WDR88: variants seen among roughly 807,000 people sequenced by gnomAD.
WDR88 encodes the protein WD repeat domain 88.
WDR88 carries 40 observed loss-of-function variants against 46.8 expected under a neutral mutation model. The observed-to-expected ratio is 0.86, with a 90% CI of 0.66 to 1.11. WDR88 has a LOEUF of 1.11. Among genes scored for constraint, WDR88 ranks in the 50% most tolerant of loss-of-function variants. The pLI is 0.00. For missense variants in WDR88, 562 were observed against 602.4 expected (o/e 0.93, Z 0.70); for synonymous variants, 235 against 240.7 (o/e 0.98, Z 0.22).
intron 10 of WDR88, among the ~76,000 whole-genome samples, chr19:33,173,615 G>C (rs1457892453): frequency 6.6e-6 from 1 of 152,266 alleles, no homozygotes; most frequent in Non-Finnish European, 1.5e-5. Flanking sequence ...GGCTAATTTG[G>C]GAGCCGCACT....
At chr19:33,154,781 T>C (rs1422583829) in intron 6 of WDR88, among the ~76,000 whole-genome samples, 1 of 152,224 alleles carries the variant, frequency 6.6e-6, no homozygotes, top group Non-Finnish European at 1.5e-5. Context: ...ACCTCCATGA[T>C]ATGCCAGCAT....
At chr19:33,174,667 A>C in intron 10 of WDR88, 2 of 985,380 alleles carry the variant, frequency 2.0e-6, no homozygotes, top group Non-Finnish European at 2.4e-6. Context: ...GGTTCTGTAA[A>C]AGTTGGGTGT....
At chr19:33,136,905 A>G (rs1038822378) in intron 1 of WDR88, among the ~76,000 whole-genome samples, 12 of 150,732 alleles carry the variant, frequency 8.0e-5, no homozygotes, top group Non-Finnish European at 8.9e-5. Context: ...AGATATATCT[A>G]TTCAAATCCT....
In WDR88 at chr19:33,175,089, G is replaced by T. The variant is rs1199881790; in HGVS notation, c.1243-307G>T. ...ATCTCTACTAAAAATACAAAAATTAGCAGGATGTGGTGGTGCACGCCTGTA... is the reference window on the plus strand; with the variant it reads ...ATCTCTACTAAAAATACAAAAATTATCAGGATGTGGTGGTGCACGCCTGTA... On this transcript the variant is annotated intron_variant, in intron 10 of 10. Transcript: ENST00000355868. 5.9e-6 allele frequency: 5 copies of T among 849,426 alleles called. No individual in the cohort carries two copies. The African/African-American group carries it at 9.2e-5, about 16-fold the overall frequency. The allele number at this position is 849,426 out of a possible 1,614,324, so 52.6% of individuals were successfully genotyped here.
At chr19:33,164,127 C>G in intron 8 of WDR88, 70 bp from the exon 9 acceptor site, 2 of 1,484,538 alleles carry the variant, frequency 1.3e-6, no homozygotes, top group Non-Finnish European at 1.9e-6. Flanking sequence ...GCCACTACAC[C>G]CAGCTTGTTT....
At chr19:33,169,804 T>A (rs1974008126) in intron 9 of WDR88, among the ~76,000 whole-genome samples, 1 of 152,190 alleles carries the variant, frequency 6.6e-6, no homozygotes, top group Admixed American at 6.5e-5. Flanking sequence ...CAGGTATTTG[T>A]CAATGAAGTC....
At position 33,172,441 on chromosome 19, in the gene WDR88, G is replaced by A. The variant is rs1974053743; in HGVS notation, c.1242+1G>A. ...GGCCGTGGGCTTAAAGTTGAAACAG[G>A]TTGGTATTGGGTAAAATTAAGCCCA... On this transcript the variant is annotated splice_donor_variant, in intron 10 of 10. Coordinates refer to ENST00000355868, the MANE Select transcript of WDR88 (RefSeq NM_173479.4). LOFTEE classifies it high-confidence loss of function. 6.2e-7 allele frequency: 1 copy of A among 1,612,488 alleles called. No homozygotes were observed. The highest frequency in any genetic ancestry group is 8.5e-7 in the Non-Finnish European group (1 of 1,179,178).
At chr19:33,172,551 C>A in intron 10 of WDR88, 111 bp downstream of exon 10, 2 of 878,862 alleles carry the variant, frequency 2.3e-6, no homozygotes, top group South Asian at 1.8e-5. Context: ...CGTGAACAAA[C>A]AGACTGACAT....
At chr19:33,152,487 T>TA (rs1973655146) in intron 6 of WDR88, among the ~76,000 whole-genome samples, 1 of 152,180 alleles carries the variant, frequency 6.6e-6, no homozygotes, top group African/African-American at 2.4e-5. Context: ...ATTCTAGATA[T>TA]TTCATATAAG....
At chr19:33,147,503 T>G in intron 3 of WDR88, 142 bp from the exon 4 acceptor site, 1 of 662,826 alleles carries the variant, frequency 1.5e-6, no homozygotes, top group Admixed American at 2.9e-5. Flanking sequence ...CTCAGGAGGC[T>G]GTGGCAGGAG....
At chr19:33,143,848 C>G (rs1246188253) in intron 2 of WDR88, among the ~76,000 whole-genome samples, 2 of 151,986 alleles carry the variant, frequency 1.3e-5, no homozygotes, top group Non-Finnish European at 2.9e-5. Context: ...TGGGACTGTA[C>G]CAAAATACTG....
chr19:33,142,217 C>A (rs1002060775), intron 2 of WDR88, among the ~76,000 whole-genome samples: 1 of 151,350 alleles, frequency 6.6e-6, no homozygotes, highest in Admixed American at 6.6e-5. Context: ...CAGGGGGGGA[C>A]GAAGATGGAA....
At chr19:33,137,968 G>T (rs1195641689) in intron 2 of WDR88, among the ~76,000 whole-genome samples, 181 bp downstream of exon 2, 1 of 152,166 alleles carries the variant, frequency 6.6e-6, no homozygotes, top group African/African-American at 2.4e-5. Context: ...AGTTAGGGTG[G>T]CTGCTGCCAG....
At position 33,174,715 on chromosome 19, in the gene WDR88, A is replaced by G. The variant is rs940059842; in HGVS notation, c.1243-681A>G. ...AGGGAGTCATCCTCTTAGTCCCACAATTTTACTCGGCACAGAACAATGGAT... is the reference window on the plus strand; with the variant it reads ...AGGGAGTCATCCTCTTAGTCCCACAGTTTTACTCGGCACAGAACAATGGAT... On this transcript the variant is annotated intron_variant, in intron 10 of 10. Transcript: ENST00000355868. 8.1e-6 allele frequency: 8 copies of G among 985,174 alleles called. No homozygotes were observed. In the Admixed American group the frequency reaches 1.8e-4, roughly 23 times the overall value. The allele number at this position is 985,174 out of a possible 1,614,324, so 61.0% of individuals were successfully genotyped here. A position where few individuals can be genotyped will look rare whatever the true frequency, so the allele number is the denominator to read the frequency against.
chr19:33,155,942 G>A (rs1026010751), intron 6 of WDR88, among the ~76,000 whole-genome samples: 10 of 152,222 alleles, frequency 6.6e-5, no homozygotes, highest in Admixed American at 1.3e-4. Context: ...CCTTGGTGTG[G>A]TTGGCCCAGT....
chr19:33,167,275 A>G lies in WDR88; in HGVS notation c.1149+3010A>G, dbSNP rs958312111. Among the ~76,000 whole-genome samples, 5 of 152,282 alleles carry G rather than the reference A, an allele frequency of 3.3e-5. No homozygotes were observed. The South Asian group carries it at 1.0e-3, about 32-fold the overall frequency. On this transcript the variant is annotated intron_variant, in intron 9 of 10. Transcript: ENST00000355868. ...TGGCTCAACATAAAATCAATGTAATATATTACATTAATAGAACAAAGGGAA... is the reference window on the plus strand; with the variant it reads ...TGGCTCAACATAAAATCAATGTAATGTATTACATTAATAGAACAAAGGGAA...
intron 8 of WDR88, among the ~76,000 whole-genome samples, chr19:33,162,599 C>T (rs1025006364): frequency 1.3e-5 from 2 of 152,022 alleles, no homozygotes; most frequent in African/African-American, 2.4e-5. Context: ...TTATTGGAAG[C>T]GAAAAGCCCC....
At chr19:33,145,574 G>T (rs1973495226) in intron 3 of WDR88, among the ~76,000 whole-genome samples, 1 of 150,858 alleles carries the variant, frequency 6.6e-6, no homozygotes, top group Non-Finnish European at 1.5e-5. Context: ...CTGCTCTGTT[G>T]CCCAGGCTGG....
At chr19:33,155,319 T>C (rs973892863) in intron 6 of WDR88, among the ~76,000 whole-genome samples, 1 of 152,118 alleles carries the variant, frequency 6.6e-6, no homozygotes, top group African/African-American at 2.4e-5. Flanking sequence ...TTTTATATTT[T>C]TTGTAGAGAT....
Sources: gnomAD v4.1 joint callset for allele counts (sites outside exome capture counted in the v4.1 genomes callset) on GRCh38, gnomAD v4.1.1 for gene constraint, MANE v1.5 for transcripts, NCBI Gene and HGNC (gene_info 2026-07-23, HGNC 2026-07-21) for gene names.